Variants in TRIM26 observed in about 807,000 individuals in gnomAD.
TRIM26 encodes tripartite motif containing 26.
In TRIM26, 16 loss-of-function variants were observed where a neutral mutation model predicts 45.5. The ratio of observed to expected loss-of-function variants is 0.35; its 90% CI spans 0.24 to 0.53. The LOEUF (loss-of-function observed/expected upper bound fraction) is 0.53, where lower values mean the gene tolerates loss of function less well. TRIM26 is among the 20% of genes least tolerant of loss of function. The pLI, the probability that TRIM26 is intolerant of heterozygous loss-of-function variation, is 0.92. For synonymous variants in TRIM26, 273 were observed against 290.4 expected (o/e 0.94, Z 0.61); for missense variants, 442 against 691.1 (o/e 0.64, Z 4.04).
chr6:30,209,209 G>GAGTT lies in TRIM26; in HGVS notation c.-376+4092_-376+4095dup, dbSNP rs769574228. On this transcript the variant is annotated intron_variant, in intron 1 of 9. Transcript: ENST00000454678. This position sits in a 1 kb window ranked among gnomAD's most constrained non-coding sequence, Gnocchi z 4.8. ...GGAGGAATCTAAGCCATCAGCAAGGGAGTTAGTGCTTTTCATCAAATTTGA... is the reference window on the plus strand; with the variant it reads ...GGAGGAATCTAAGCCATCAGCAAGGGAGTTAGTTAGTGCTTTTCATCAAATTTGA... Among the ~76,000 whole-genome samples the GAGTT allele has an allele frequency of 3.9e-5, 6 of 152,078 alleles. No homozygotes were observed. Among genetic ancestry groups the GAGTT allele is most frequent in the African/African-American group, 7.2e-5 (3 of 41,398 alleles).
Position 30,189,905 on chromosome 6 carries a change from G to A in TRIM26, c.788+108C>T. 1.5e-6 allele frequency: 2 copies of A among 1,333,678 alleles called. No homozygotes were observed. The highest frequency in any genetic ancestry group is 2.1e-6 in the Non-Finnish European group (2 of 931,462). The allele number at this position is 1,333,678 out of a possible 1,614,324, so 82.6% of individuals were successfully genotyped here. A position where few individuals can be genotyped will look rare whatever the true frequency, so the allele number is the denominator to read the frequency against. ...CATCAGGATGAACCATGGGATGTGA[G>A]TACCTCTGGCACCATACCACTCCCC... On this transcript the variant is annotated intron_variant, in intron 7 of 9. Transcript: ENST00000454678. The surrounding 1 kb of genome is among the most constrained non-coding windows in gnomAD (Gnocchi z 5.0).
chr6:30,193,477 G>C (rs1776162265), intron 6 of TRIM26, among the ~76,000 whole-genome samples: 2 of 151,890 alleles, frequency 1.3e-5, no homozygotes, highest in Non-Finnish European at 2.9e-5. Context: ...ACCACAACTG[G>C]CTGTAGTATA....
In TRIM26 at chr6:30,199,109, C is replaced by T. The variant is rs2523720; in HGVS notation, c.-6G>A. 0.13 allele frequency: 201,405 copies of T among 1,546,592 alleles called. 15,280 individuals carry two copies. The highest frequency in any genetic ancestry group is 0.15 in the Non-Finnish European group (175,037 of 1,143,256). On this transcript the variant is annotated 5_prime_UTR_variant, in exon 4 of 10. Coordinates refer to ENST00000454678, the MANE Select transcript of TRIM26 (RefSeq NM_003449.5). ...AGTGGGGCTGACGTGGCCATGGTAT[C>T]CTTAGTTCAGAGAGGTCTCCGTTCA...
At chr6:30,202,769 C>T (rs1777314103) in intron 2 of TRIM26, among the ~76,000 whole-genome samples, 1 of 152,054 alleles carries the variant, frequency 6.6e-6, no homozygotes, top group Non-Finnish European at 1.5e-5. Context: ...TTAAACCACA[C>T]CATAAGGAAA....
In TRIM26 at chr6:30,198,948, G is replaced by A. The variant is rs755714722; in HGVS notation, c.156C>T (p.Val52=). The change falls in exon 4 of 10, where the codon GTC becomes GTT. Residue 52 remains valine (V), a synonymous_variant. Coordinates refer to ENST00000454678, the MANE Select transcript of TRIM26 (RefSeq NM_003449.5). This position sits in a 1 kb window ranked among gnomAD's most constrained non-coding sequence, Gnocchi z 6.3. ...TAAAAGGCTTCTTGCAGAGTGGGCAGACGGGGCGGCTCCCTGAGATGGGGC... is the reference window on the plus strand; with the variant it reads ...TAAAAGGCTTCTTGCAGAGTGGGCAAACGGGGCGGCTCCCTGAGATGGGGC... ...DVRPISGSRP[V]CPLCKKPFKK... 6.2e-7 allele frequency: 1 copy of A among 1,612,890 alleles called. No individual in the cohort carries two copies. The highest frequency in any genetic ancestry group is 1.3e-5 in the African/African-American group (1 of 75,020).
rs569688139 is a variant in TRIM26 at position 30,185,136 on chromosome 6, A to T, written c.*740T>A. ...AAACTCCCCTCACAAGGACCAATCT[A>T]GAGATAATTTATTGATCAGTGATCA... On this transcript the variant is annotated 3_prime_UTR_variant, in exon 10 of 10. Transcript: ENST00000454678. The surrounding 1 kb of genome is among the most constrained non-coding windows in gnomAD (Gnocchi z 5.7). The T allele has an allele frequency of 6.6e-6, 1 of 152,302 alleles. No individual in the cohort carries two copies. Among genetic ancestry groups the T allele is most frequent in the South Asian group, 2.1e-4 (1 of 4,826 alleles). 9.4% of individuals were successfully genotyped at this position (152,302 alleles called of 1,614,324 possible).
At chr6:30,206,388 C>G (rs1777727413) in intron 1 of TRIM26, among the ~76,000 whole-genome samples, 1 of 152,196 alleles carries the variant, frequency 6.6e-6, no homozygotes, top group Non-Finnish European at 1.5e-5. Context: ...ACAGTGCAGG[C>G]CACAAAAACT....
intron 2 of TRIM26, among the ~76,000 whole-genome samples, chr6:30,202,808 T>C (rs1777318869): frequency 6.6e-6 from 1 of 152,132 alleles, no homozygotes. Context: ...ATGCTGGACA[T>C]TGCACATGGC....
intron 2 of TRIM26, among the ~76,000 whole-genome samples, chr6:30,202,670 A>C (rs898487975): frequency 6.6e-6 from 1 of 152,240 alleles, no homozygotes; most frequent in Non-Finnish European, 1.5e-5. Context: ...TCTAGTCAAG[A>C]CTTTAGATCT....
At chr6:30,204,938 G>C (rs1052617450) in intron 1 of TRIM26, among the ~76,000 whole-genome samples, 173 bp from the exon 2 acceptor site, 9 of 152,112 alleles carry the variant, frequency 5.9e-5, no homozygotes, top group African/African-American at 1.9e-4. Context: ...GTATTTTTCT[G>C]TCTCTTCAAT....
chr6:30,196,410 G>T lies in TRIM26; in HGVS notation c.765+106C>A. On this transcript the variant is annotated intron_variant, in intron 6 of 9. Coordinates refer to ENST00000454678, the MANE Select transcript of TRIM26 (RefSeq NM_003449.5). The surrounding 1 kb of genome is among the most constrained non-coding windows in gnomAD (Gnocchi z 4.9). ...TAAGGATTATCATCTCCATGTTTCAGATGACAAAACTGAGCCCCCAAGTCT... is the reference window on the plus strand; with the variant it reads ...TAAGGATTATCATCTCCATGTTTCATATGACAAAACTGAGCCCCCAAGTCT... 9.2e-7 allele frequency: 1 copy of T among 1,087,690 alleles called. No homozygotes were observed. The highest frequency in any genetic ancestry group is 1.3e-6 in the Non-Finnish European group (1 of 754,056). 67.4% of individuals were successfully genotyped at this position (1,087,690 alleles called of 1,614,324 possible). A position where few individuals can be genotyped will look rare whatever the true frequency, so the allele number is the denominator to read the frequency against.
rs1189180369 is a variant in TRIM26 at position 30,196,277 on chromosome 6, C to A, written c.765+239G>T. Among the ~76,000 whole-genome samples the A allele has an allele frequency of 3.9e-5, 6 of 152,306 alleles. No homozygotes were observed. The highest frequency in any genetic ancestry group is 1.4e-4 in the African/African-American group (6 of 41,574). ...ATCTTCCCTTCCATTTTCTACTATA[C>A]CATTTAGTTTTTTGAACAGTTTTGT... On this transcript the variant is annotated intron_variant, in intron 6 of 9. Coordinates refer to ENST00000454678, the MANE Select transcript of TRIM26 (RefSeq NM_003449.5). This position sits in a 1 kb window ranked among gnomAD's most constrained non-coding sequence, Gnocchi z 4.9.
chr6:30,208,133 C>T (rs567549892), intron 1 of TRIM26, among the ~76,000 whole-genome samples: 1 of 152,204 alleles, frequency 6.6e-6, no homozygotes, highest in Non-Finnish European at 1.5e-5. Context: ...AAACAAAGCA[C>T]AAGCACAGAG....
At chr6:30,194,270 T>C (rs890422531) in intron 6 of TRIM26, among the ~76,000 whole-genome samples, 3 of 150,564 alleles carry the variant, frequency 2.0e-5, no homozygotes, top group Non-Finnish European at 2.9e-5. Context: ...TTTGAGTTCA[T>C]GGAAGTAAGA....
At chr6:30,208,515 C>CTTTTTTTTTTTTT (rs35809533) in intron 1 of TRIM26, among the ~76,000 whole-genome samples, 1 of 128,224 alleles carries the variant, frequency 7.8e-6, no homozygotes. Context: ...AATTTTTTTC[C>CTTTTTTTTTTTTT]TTTTTTTTTT....
At chr6:30,193,182 ATTTTT>A (rs59857727) in intron 6 of TRIM26, among the ~76,000 whole-genome samples, 4 of 38,808 alleles carry the variant, frequency 1.0e-4, no homozygotes, top group African/African-American at 3.7e-4. Context: ...ATATATATAT[ATTTTT>A]TTTTTTTTTT....
chr6:30,186,577 A>G lies in TRIM26; in HGVS notation c.938-19T>C, dbSNP rs1443464515. ...ACGCTCACTGTGGGGACAAGGGAAA[A>G]AAAAAAAAACAGCATCACTGTTTTG... is the stretch of plus-strand genomic sequence containing the variant. On this transcript the variant is annotated intron_variant, in intron 9 of 9. Transcript: ENST00000454678. This position sits in a 1 kb window ranked among gnomAD's most constrained non-coding sequence, Gnocchi z 7.4. 1 of 1,497,474 alleles carries G rather than the reference A, an allele frequency of 6.7e-7. No individual in the cohort carries two copies. Among genetic ancestry groups the G allele is most frequent in the Admixed American group, 2.4e-5 (1 of 40,822 alleles). The allele number at this position is 1,497,474 out of a possible 1,614,324, so 92.8% of individuals were successfully genotyped here. A position where few individuals can be genotyped will look rare whatever the true frequency, so the allele number is the denominator to read the frequency against.
intron 6 of TRIM26, among the ~76,000 whole-genome samples, chr6:30,193,080 ATATATACATATATATGTATC>A (rs1410411772): frequency 2.2e-5 from 3 of 138,812 alleles, no homozygotes; most frequent in South Asian, 4.5e-4. Context: ...ATATATATGT[ATATATACATATATATGTATC>A]TATATACATA....
intron 6 of TRIM26, among the ~76,000 whole-genome samples, chr6:30,195,733 C>T (rs1451548163): frequency 1.3e-5 from 2 of 152,136 alleles, no homozygotes; most frequent in African/African-American, 2.4e-5. Flanking sequence ...ACAGACAGAC[C>T]CAGCCACCCT....
Sources: gnomAD v4.1 joint callset for allele counts (sites outside exome capture counted in the v4.1 genomes callset) on GRCh38, gnomAD v4.1.1 for gene constraint, Gnocchi (gnomAD v3.1) non-coding constraint, MANE v1.5 for transcripts, NCBI Gene and HGNC (gene_info 2026-07-23, HGNC 2026-07-21) for gene names.